The following SP140L variants were observed in gnomAD, a reference collection of about 807,000 sequenced individuals.
SP140L encodes SP140 like nuclear body protein.
A neutral mutation model predicts 84.3 loss-of-function variants in SP140L; 64 were observed. The ratio of observed to expected loss-of-function variants is 0.76; its 90% CI spans 0.62 to 0.94. The LOEUF (loss-of-function observed/expected upper bound fraction) is 0.94, where lower values mean the gene tolerates loss of function less well. Ranked by LOEUF, SP140L falls within the 40% of genes least tolerant of loss-of-function variation. The pLI, the probability that SP140L is intolerant of heterozygous loss-of-function variation, is 0.00. For synonymous variants in SP140L, 242 were observed against 236.9 expected (o/e 1.02, Z -0.20); for missense variants, 628 against 692.5 (o/e 0.91, Z 1.05).
intron 7 of SP140L, among the ~76,000 whole-genome samples, chr2:230,373,185 G>C (rs1001657758): frequency 6.6e-6 from 1 of 152,224 alleles, no homozygotes; most frequent in Admixed American, 6.5e-5. Context: ...AGCAGCAAAT[G>C]CTGATGTAGA....
chr2:230,366,934 T>A (rs2060898280), intron 5 of SP140L, among the ~76,000 whole-genome samples: 1 of 151,966 alleles, frequency 6.6e-6, no homozygotes, highest in African/African-American at 2.4e-5. Context: ...GGTTTCACCA[T>A]GTTACCCAGG....
chr2:230,402,798 T>C lies in SP140L; in HGVS notation c.1645T>C (p.Tyr549His), dbSNP rs201019412. The part of the protein sequence containing the change: ...IFQNHRASYK[Y>H]KDFGQMGLRL... ...TTTTGTCTTTATTACTTTTTTCCAG[T>C]ATAAGGATTTTGGCCAAATGGGACT... Residue 549 changes from tyrosine to histidine, a missense_variant and splice_region_variant, in exon 19 of 19, where the codon TAT becomes CAT. This residue lies in a region of SP140L where 44 missense variants were observed against 36.1 expected (regional missense o/e 1.22). Coordinates refer to ENST00000415673, the MANE Select transcript of SP140L (RefSeq NM_138402.6). 9 of 1,611,020 alleles carry C rather than the reference T, an allele frequency of 5.6e-6. No homozygotes were observed. The highest frequency in any genetic ancestry group is 1.3e-5 in the African/African-American group (1 of 74,898).
chr2:230,363,236 A>G (rs2060774652), intron 5 of SP140L, among the ~76,000 whole-genome samples: 1 of 151,780 alleles, frequency 6.6e-6, no homozygotes, highest in African/African-American at 2.4e-5. Flanking sequence ...TTTTGAGGAA[A>G]CTCCGTACTG....
chr2:230,398,830 G>T (rs535715397), intron 14 of SP140L, among the ~76,000 whole-genome samples: 3 of 152,374 alleles, frequency 2.0e-5, no homozygotes, highest in African/African-American at 7.2e-5. Flanking sequence ...GCTGTGGAGG[G>T]TGGGCTGTCC....
At chr2:230,368,101 G>T (rs888859415) in intron 5 of SP140L, among the ~76,000 whole-genome samples, 4 of 152,052 alleles carry the variant, frequency 2.6e-5, no homozygotes, top group Non-Finnish European at 5.9e-5. Context: ...TATTTTATTA[G>T]TTAGCATCTT....
intron 2 of SP140L, among the ~76,000 whole-genome samples, chr2:230,342,819 TA>T (rs144900720): frequency 0.12 from 18,264 of 152,158 alleles, 1,138 homozygotes; most frequent in Middle Eastern, 0.15. Flanking sequence ...TCCTTTTTTT[TA>T]AAATCTTTTC....
In SP140L at chr2:230,366,040, A is replaced by C. The variant is rs965891932; in HGVS notation, c.523+4343A>C. Among the ~76,000 whole-genome samples, 4 of 152,226 alleles carry C rather than the reference A, an allele frequency of 2.6e-5. No homozygotes were observed. The South Asian group carries it at 8.3e-4, about 32-fold the overall frequency. ...CTTTAAGTTTGTAGCCTAATGTATG[A>C]TTTATCTTGGAGAATGTTCCATGTA... is the stretch of plus-strand genomic sequence containing the variant. On this transcript the variant is annotated intron_variant, in intron 5 of 18. Coordinates refer to ENST00000415673, the MANE Select transcript of SP140L (RefSeq NM_138402.6).
intron 2 of SP140L, among the ~76,000 whole-genome samples, chr2:230,342,465 C>T (rs1362255583): frequency 2.0e-5 from 3 of 152,242 alleles, no homozygotes; most frequent in African/African-American, 4.8e-5. Flanking sequence ...GCGTCGCTCA[C>T]GCTGGGAGCT....
In SP140L at chr2:230,359,088, A is replaced by C; in HGVS notation, c.395A>C (p.Gln132Pro). The change falls in exon 4 of 19, where the codon CAG (glutamine) becomes CCG (proline). Residue 132 changes from glutamine to proline, a missense_variant. Around this residue, in one of 4 missense-constraint regions of SP140L, gnomAD observed 525 missense variants for 518.4 expected, o/e 1.01. Coordinates refer to ENST00000415673, the MANE Select transcript of SP140L (RefSeq NM_138402.6). ...LEALFSEVNM[Q>P]EYPDLIHIYK... ...GCACTGTTCAGCGAGGTCAACATGCAGGAATACCCCGATTTAATTCACATT... is the reference window on the plus strand; with the variant it reads ...GCACTGTTCAGCGAGGTCAACATGCCGGAATACCCCGATTTAATTCACATT... The C allele has an allele frequency of 1.9e-6, 3 of 1,611,106 alleles. No homozygotes were observed. Among genetic ancestry groups the C allele is most frequent in the Non-Finnish European group, 2.5e-6 (3 of 1,179,330 alleles).
intron 1 of SP140L, among the ~76,000 whole-genome samples, chr2:230,328,297 T>G (rs1410728368): frequency 6.6e-6 from 1 of 152,248 alleles, no homozygotes; most frequent in Non-Finnish European, 1.5e-5. Flanking sequence ...CCTTTCACAG[T>G]CTTGTGAAGA....
At chr2:230,357,689 C>T (rs1352604365) in intron 2 of SP140L, 116 bp from the exon 3 acceptor site, 3 of 1,005,942 alleles carry the variant, frequency 3.0e-6, no homozygotes, top group African/African-American at 3.2e-5. Context: ...CTGAGGACCA[C>T]CTATTTTATA....
At position 230,357,934 on chromosome 2, in the gene SP140L, C is replaced by T. The variant is rs370274673; in HGVS notation, c.237C>T (p.Arg79=). The part of the protein sequence containing the change: ...KKTFPFLEGL[R]DRELITNKMF... ...CATTTCCATTCCTTGAGGGCCTCCG[C>T]GATCGGGAACTCATCACAAATAAAA... Residue 79 remains arginine (R), a synonymous_variant, in exon 3 of 19, where the codon CGC becomes CGT. Transcript: ENST00000415673. 1.0e-4 allele frequency: 169 copies of T among 1,613,688 alleles called. 1 individual carries two copies. Among genetic ancestry groups the T allele is most frequent in the African/African-American group, 2.7e-4 (20 of 75,012 alleles).
rs377707575 is a variant in SP140L, at chr2:230,392,071, T to C, written c.965-16T>C. 98 of 1,613,688 alleles carry C rather than the reference T, an allele frequency of 6.1e-5. No homozygotes were observed. In the African/African-American group the frequency reaches 1.2e-3, roughly 20 times the overall value. ...GAACAAAGAGGGCTCAGGATCAAGTTACCCTGGTCTTACAGGAACCTTGGC... is the reference window on the plus strand; with the variant it reads ...GAACAAAGAGGGCTCAGGATCAAGTCACCCTGGTCTTACAGGAACCTTGGC... On this transcript the variant is annotated splice_polypyrimidine_tract_variant and intron_variant, in intron 11 of 18. Transcript: ENST00000415673.
At chr2:230,335,505 C>T (rs1489866105) in intron 2 of SP140L, among the ~76,000 whole-genome samples, 1 of 152,182 alleles carries the variant, frequency 6.6e-6, no homozygotes, top group Non-Finnish European at 1.5e-5. Context: ...TTGGGGAAGT[C>T]GTCCTCTGTC....
intron 9 of SP140L, among the ~76,000 whole-genome samples, chr2:230,386,430 G>T (rs2061584121): frequency 6.6e-6 from 1 of 152,134 alleles, no homozygotes; most frequent in Non-Finnish European, 1.5e-5. Context: ...TGAAAACTCT[G>T]TCACACTTCT....
At chr2:230,381,047 AGGATGGTGCAGAGGAAGCCCAGGT>A (rs1237408062) in intron 7 of SP140L, among the ~76,000 whole-genome samples, 6 of 152,262 alleles carry the variant, frequency 3.9e-5, no homozygotes, top group African/African-American at 1.4e-4. Context: ...ACCCAAGAAA[AGGATGGTGCAGAGGAAGCCCAGGT>A]GGATGGTGCA....
intron 8 of SP140L, among the ~76,000 whole-genome samples, chr2:230,383,935 A>G (rs540203563): frequency 6.6e-6 from 1 of 152,100 alleles, no homozygotes; most frequent in African/African-American, 2.4e-5. Flanking sequence ...ATATATATAT[A>G]CATATATATA....
chr2:230,380,714 T>C (rs1266734600), intron 7 of SP140L, among the ~76,000 whole-genome samples: 2 of 152,196 alleles, frequency 1.3e-5, no homozygotes, highest in Non-Finnish European at 2.9e-5. Context: ...TAAAAAACTT[T>C]ATATAAATAA....
rs760491820 is a variant in SP140L at position 230,385,583 on chromosome 2, G to A, written c.784+279G>A. Reference sequence around the variant, plus strand: ...CTTAAATCATTGGCTAATTAAAATGGCTGGACCTGGTAAATTGTAAGCAGA... The same window carrying A: ...CTTAAATCATTGGCTAATTAAAATGACTGGACCTGGTAAATTGTAAGCAGA... On this transcript the variant is annotated intron_variant, in intron 9 of 18. Transcript: ENST00000415673. 4.6e-5 allele frequency among the ~76,000 whole-genome samples: 7 copies of A among 152,092 alleles called. No homozygotes were observed. In the South Asian group the frequency reaches 1.4e-3, roughly 32 times the overall value.
Sources: allele counts gnomAD v4.1 joint callset (sites outside exome capture counted in the v4.1 genomes callset), GRCh38; gene constraint gnomAD v4.1.1; regional missense constraint gnomAD v4.1.1; transcripts MANE v1.5; gene names NCBI Gene and HGNC (gene_info 2026-07-23, HGNC 2026-07-21).